Variants in PGM5 observed in about 807,000 individuals in gnomAD.
The protein encoded by PGM5 is phosphoglucomutase-like protein 5.
A neutral mutation model predicts 59.2 loss-of-function variants in PGM5; 23 were observed. The observed-to-expected ratio is 0.39, with a 90% CI of 0.28 to 0.55. The LOEUF (loss-of-function observed/expected upper bound fraction) is 0.55, where lower values mean the gene tolerates loss of function less well. Among genes scored for constraint, PGM5 ranks in the 20% least tolerant of loss-of-function variants. The probability of loss-of-function intolerance (pLI) is 0.66; values close to 1 mark genes in which losing one functional copy is unlikely to be tolerated. For missense variants in PGM5, 574 were observed against 748.3 expected (o/e 0.77, Z 2.72); for synonymous variants, 214 against 286.0 (o/e 0.75, Z 2.54).
intron 6 of PGM5, among the ~76,000 whole-genome samples, chr9:68,426,362 G>C (rs1236486770): frequency 1.3e-5 from 2 of 151,560 alleles, no homozygotes; most frequent in African/African-American, 2.4e-5. Context: ...ATAACCTTCA[G>C]ATTTCTTACA....
At chr9:68,426,701 C>A (rs782701418) in intron 6 of PGM5, 1 of 151,240 alleles carries the variant, frequency 6.6e-6, no homozygotes, top group Non-Finnish European at 1.5e-5. Context: ...TTTTAACTAA[C>A]CTGTCTTTTG....
At chr9:68,395,327 T>C (rs1217408983) in intron 6 of PGM5, among the ~76,000 whole-genome samples, 1 of 152,188 alleles carries the variant, frequency 6.6e-6, no homozygotes, top group Admixed American at 6.5e-5. Context: ...TCTATACCAC[T>C]GATCCATTTG....
At chr9:68,391,306 A>G (rs1822358009) in intron 4 of PGM5, among the ~76,000 whole-genome samples, 3 of 152,164 alleles carry the variant, frequency 2.0e-5, no homozygotes, top group Non-Finnish European at 2.9e-5. Flanking sequence ...TTATGGAACT[A>G]GATGACTGAA....
chr9:68,525,423 A>G (rs776734465), intron 10 of PGM5, among the ~76,000 whole-genome samples: 5 of 152,192 alleles, frequency 3.3e-5, no homozygotes, highest in African/African-American at 7.2e-5. Flanking sequence ...TATCTCTGTC[A>G]ACAACAGACC....
chr9:68,458,882 C>T (rs1554685155), intron 6 of PGM5, among the ~76,000 whole-genome samples: 1 of 152,148 alleles, frequency 6.6e-6, no homozygotes, highest in Non-Finnish European at 1.5e-5. Context: ...AACTCTGCCT[C>T]ATTCATATAT....
chr9:68,434,771 C>G (rs193092791), intron 6 of PGM5, among the ~76,000 whole-genome samples: 1 of 150,830 alleles, frequency 6.6e-6, no homozygotes, highest in East Asian at 1.9e-4. Flanking sequence ...GACTGAGAGA[C>G]AGCAAGACTC....
intron 10 of PGM5, among the ~76,000 whole-genome samples, chr9:68,520,764 C>T (rs1475040218): frequency 4.6e-5 from 7 of 152,058 alleles, no homozygotes; most frequent in Non-Finnish European, 1.0e-4. Flanking sequence ...AAGAAAAAAC[C>T]TGGACGTAGG....
intron 6 of PGM5, among the ~76,000 whole-genome samples, chr9:68,407,133 G>C (rs402654): frequency 0.99 from 150,130 of 152,020 alleles, 74,170 homozygotes; most frequent in East Asian, 1. Flanking sequence ...AGGAATAGAC[G>C]TACGTTTTTT....
chr9:68,461,660 T>A (rs1554685423), intron 6 of PGM5, among the ~76,000 whole-genome samples: 2 of 152,146 alleles, frequency 1.3e-5, no homozygotes, highest in Non-Finnish European at 2.9e-5. Flanking sequence ...GCCTTTGCCA[T>A]GTGCAGCAAG....
At chr9:68,362,606 C>G (rs1158561556) in intron 1 of PGM5, among the ~76,000 whole-genome samples, 1 of 151,970 alleles carries the variant, frequency 6.6e-6, no homozygotes, top group Non-Finnish European at 1.5e-5. Flanking sequence ...TTTCTTTCTA[C>G]TTTTATCTGC....
chr9:68,425,460 G>A (rs1823219446), intron 6 of PGM5, among the ~76,000 whole-genome samples: 1 of 152,134 alleles, frequency 6.6e-6, no homozygotes, highest in Admixed American at 6.5e-5. Context: ...GTACATTAGA[G>A]AAGATTGACT....
chr9:68,375,970 T>C, intron 1 of PGM5, among the ~76,000 whole-genome samples: 1 of 152,252 alleles, frequency 6.6e-6, no homozygotes, highest in Admixed American at 6.5e-5. Flanking sequence ...ATAGCTGTTC[T>C]GTTCCGTTGT....
intron 6 of PGM5, chr9:68,400,514 T>A (rs1822638288): frequency 6.6e-6 from 1 of 152,552 alleles, no homozygotes; most frequent in South Asian, 2.1e-4. Flanking sequence ...TTTGATACCA[T>A]GTTCCCTCCA....
chr9:68,412,133 C>T (rs1822945874), intron 6 of PGM5, among the ~76,000 whole-genome samples: 1 of 150,206 alleles, frequency 6.7e-6, no homozygotes, highest in Non-Finnish European at 1.5e-5. Flanking sequence ...CTTTTCTAAT[C>T]TGCTTCTTGT....
chr9:68,388,494 T>A (rs1439064684), intron 4 of PGM5, among the ~76,000 whole-genome samples: 1 of 151,758 alleles, frequency 6.6e-6, no homozygotes, highest in Non-Finnish European at 1.5e-5. Flanking sequence ...TAGTAATTCT[T>A]TTTACACATC....
chr9:68,489,312 A>G (rs782362004), intron 9 of PGM5, among the ~76,000 whole-genome samples: 3 of 152,200 alleles, frequency 2.0e-5, no homozygotes, highest in Non-Finnish European at 4.4e-5. Context: ...GTGGGTATCA[A>G]TCCAGAACCA....
chr9:68,372,333 C>G (rs1389980798), intron 1 of PGM5, among the ~76,000 whole-genome samples: 3 of 151,154 alleles, frequency 2.0e-5, no homozygotes, highest in African/African-American at 7.3e-5. Flanking sequence ...CCGGGTGTGG[C>G]TGCATCACTC....
intron 6 of PGM5, chr9:68,395,976 CT>C (rs1822490336): frequency 6.6e-6 from 1 of 151,808 alleles, no homozygotes; most frequent in Non-Finnish European, 1.5e-5. Flanking sequence ...AAAAAAAAGA[CT>C]CCGTAGAATT....
chr9:68,475,210 T>G (rs912566585), intron 7 of PGM5, among the ~76,000 whole-genome samples: 18 of 146,206 alleles, frequency 1.2e-4, no homozygotes, highest in African/African-American at 4.4e-4. Flanking sequence ...TTTTTTTGTA[T>G]TTTTAGTAGA....
Sources: gnomAD v4.1 joint callset for allele counts (sites outside exome capture counted in the v4.1 genomes callset) on GRCh38, gnomAD v4.1.1 for gene constraint, MANE v1.5 for transcripts, NCBI Gene and HGNC (gene_info 2026-07-23, HGNC 2026-07-21) for gene names.